VMP1: variants seen among roughly 807,000 people sequenced by gnomAD.
VMP1 encodes the protein vacuole membrane protein 1.
Under a neutral mutation model 56.0 loss-of-function variants are expected in VMP1, and 11 were observed. That is an observed-to-expected ratio of 0.20 (90% confidence interval 0.12 to 0.32). The LOEUF (loss-of-function observed/expected upper bound fraction) is 0.32, where lower values mean the gene tolerates loss of function less well. Ranked by LOEUF, VMP1 falls within the 10% of genes least tolerant of loss-of-function variation. The pLI is 1.00. For missense variants in VMP1, 296 were observed against 490.3 expected, an observed-to-expected ratio of 0.60 and a Z score of 3.74; for synonymous variants, 149 against 165.0, an observed-to-expected ratio of 0.90 and a Z score of 0.74.
chr17:59,762,919 T>C (rs1271205766), intron 5 of VMP1, among the ~76,000 whole-genome samples: 1 of 152,176 alleles, frequency 6.6e-6, no homozygotes, highest in Non-Finnish European at 1.5e-5. Flanking sequence ...AAATATAGCT[T>C]TTTCTTTCCT....
At chr17:59,834,226 G>C (rs2038906116) in intron 10 of VMP1, among the ~76,000 whole-genome samples, 1 of 151,874 alleles carries the variant, frequency 6.6e-6, no homozygotes, top group Admixed American at 6.6e-5. Flanking sequence ...CAAAATGCTG[G>C]GATTACAGGC....
intron 7 of VMP1, among the ~76,000 whole-genome samples, chr17:59,797,071 A>G (rs913936289): frequency 1.3e-4 from 20 of 152,088 alleles, no homozygotes; most frequent in African/African-American, 4.8e-4. Context: ...CTGTTGCTCA[A>G]GCCTGTAATC....
intron 2 of VMP1, 43 bp from the exon 3 acceptor site, chr17:59,735,295 A>G (rs1171983520): frequency 1.3e-6 from 2 of 1,599,706 alleles, no homozygotes; most frequent in East Asian, 2.2e-5. Flanking sequence ...ATAAGCATAA[A>G]TGTTAGAAAT....
chr17:59,738,920 A>C lies in VMP1; in HGVS notation c.387A>C (p.Thr129=). 1 of 1,610,716 alleles carries C rather than the reference A, an allele frequency of 6.2e-7. No homozygotes were observed. Among genetic ancestry groups the C allele is most frequent in the Non-Finnish European group, 8.5e-7 (1 of 1,178,966 alleles). ...TTTTGTCTTCTGTTGGGCTTGGAACAGGGCTGCACACCTTTCTGCTTTATC... is the reference window on the plus strand; with the variant it reads ...TTTTGTCTTCTGTTGGGCTTGGAACCGGGCTGCACACCTTTCTGCTTTATC... ...LGILSSVGLG[T]GLHTFLLYLG... is the part of the protein sequence containing the mutation. The change falls in exon 5 of 12, where the codon ACA becomes ACC. Residue 129 remains threonine (T), a synonymous_variant. Coordinates refer to ENST00000262291, the MANE Select transcript of VMP1 (RefSeq NM_030938.5).
At chr17:59,799,815 T>G (rs1479423498) in intron 7 of VMP1, among the ~76,000 whole-genome samples, 2 of 151,920 alleles carry the variant, frequency 1.3e-5, no homozygotes, top group Admixed American at 1.3e-4. Flanking sequence ...ATACAAAAAT[T>G]AGCCAGGTGT....
intron 7 of VMP1, among the ~76,000 whole-genome samples, chr17:59,801,693 A>G (rs1273157937): frequency 2.6e-5 from 4 of 151,864 alleles, no homozygotes; most frequent in African/African-American, 7.3e-5. Flanking sequence ...TTAGGAGTTC[A>G]AGACCAGCCT....
intron 10 of VMP1, among the ~76,000 whole-genome samples, chr17:59,821,116 G>T (rs962214406): frequency 6.6e-6 from 1 of 151,358 alleles, no homozygotes; most frequent in Non-Finnish European, 1.5e-5. Context: ...GACTACAGGC[G>T]CCCGCCTCCA....
At chr17:59,717,797 G>A (rs989509861) in intron 1 of VMP1, among the ~76,000 whole-genome samples, 17 of 152,132 alleles carry the variant, frequency 1.1e-4, no homozygotes, top group Non-Finnish European at 2.2e-4. Flanking sequence ...GTGCGTGCCT[G>A]TTATCCCAAC....
At position 59,738,960 on chromosome 17, in the gene VMP1, T is replaced by G. The variant is rs2035113127; in HGVS notation, c.414+13T>G. ...TCTGCTTTATCTGGTAAGAATAATT[T>G]TATTTTAATAAGCAAAAATGATATT... is the stretch of plus-strand genomic sequence containing the variant. On this transcript the variant is annotated intron_variant, in intron 5 of 11. Coordinates refer to ENST00000262291, the MANE Select transcript of VMP1 (RefSeq NM_030938.5). The G allele has an allele frequency of 6.5e-7, 1 of 1,550,250 alleles. No individual in the cohort carries two copies. Among genetic ancestry groups the G allele is most frequent in the Non-Finnish European group, 8.7e-7 (1 of 1,149,554 alleles).
chr17:59,799,685 G>A (rs1220229401), intron 7 of VMP1, among the ~76,000 whole-genome samples: 1 of 151,992 alleles, frequency 6.6e-6, no homozygotes, highest in African/African-American at 2.4e-5. Flanking sequence ...TCACTTGGCC[G>A]GGCGCAGTGG....
chr17:59,745,097 A>G (rs749277311), intron 5 of VMP1, among the ~76,000 whole-genome samples: 13 of 152,106 alleles, frequency 8.5e-5, no homozygotes, highest in African/African-American at 1.2e-4. Context: ...ACCCATTCCT[A>G]TGGGAAGATT....
At chr17:59,718,631 G>A (rs1249638422) in intron 1 of VMP1, among the ~76,000 whole-genome samples, 1 of 152,010 alleles carries the variant, frequency 6.6e-6, no homozygotes, top group Non-Finnish European at 1.5e-5. Flanking sequence ...AGCCTCCCAA[G>A]TAGCTGGGAC....
At chr17:59,797,156 A>ACC (rs35957291) in intron 7 of VMP1, among the ~76,000 whole-genome samples, 101 of 141,380 alleles carry the variant, frequency 7.1e-4, no homozygotes, top group African/African-American at 2.4e-3. Flanking sequence ...GCATGGTGAA[A>ACC]CCCCCCCCCC....
At chr17:59,775,855 T>G (rs2036602066) in intron 7 of VMP1, among the ~76,000 whole-genome samples, 1 of 152,174 alleles carries the variant, frequency 6.6e-6, no homozygotes, top group Admixed American at 6.6e-5. Context: ...TCTATCTCAG[T>G]TATCTCAACA....
chr17:59,723,378 CAT>C (rs1311622768), intron 1 of VMP1, among the ~76,000 whole-genome samples: 4 of 152,044 alleles, frequency 2.6e-5, no homozygotes, highest in Admixed American at 2.6e-4. Flanking sequence ...AACCCCAGGA[CAT>C]AGAGCAGGGG....
chr17:59,830,829 G>A (rs1273982197), intron 10 of VMP1, among the ~76,000 whole-genome samples: 1 of 152,100 alleles, frequency 6.6e-6, no homozygotes, highest in East Asian at 1.9e-4. Context: ...AATCTTTTTT[G>A]TTGGTGTTTT....
intron 9 of VMP1, among the ~76,000 whole-genome samples, chr17:59,813,978 T>TTGATTGA (rs2038141808): frequency 6.6e-6 from 1 of 151,342 alleles, no homozygotes; most frequent in South Asian, 2.1e-4. Context: ...TTTATGATGA[T>TTGATTGA]TGATTGATTG....
At chr17:59,741,909 A>G (rs951163157) in intron 5 of VMP1, among the ~76,000 whole-genome samples, 1 of 152,104 alleles carries the variant, frequency 6.6e-6, no homozygotes, top group Admixed American at 6.5e-5. Flanking sequence ...ATCTCCTCCC[A>G]TCTCTATCTC....
At chr17:59,775,332 T>G (rs1337015955) in intron 7 of VMP1, among the ~76,000 whole-genome samples, 2 of 152,042 alleles carry the variant, frequency 1.3e-5, no homozygotes, top group African/African-American at 4.8e-5. Context: ...GGAGGATCAC[T>G]TGAGCCTGGG....
Sources: gnomAD v4.1 joint callset for allele counts (sites outside exome capture counted in the v4.1 genomes callset) on GRCh38, gnomAD v4.1.1 for gene constraint, MANE v1.5 for transcripts, NCBI Gene and HGNC (gene_info 2026-07-23, HGNC 2026-07-21) for gene names.